CERS6: variants seen among roughly 807,000 people sequenced by gnomAD.
CERS6 encodes the protein LAG1 homolog, ceramide synthase 6.
A neutral mutation model predicts 56.8 loss-of-function variants in CERS6; 26 were observed. The observed-to-expected ratio is 0.46, with a 90% CI of 0.34 to 0.63. The LOEUF (loss-of-function observed/expected upper bound fraction) is 0.63. Among genes scored for constraint, CERS6 ranks in the 30% least tolerant of loss-of-function variants. CERS6 has a pLI of 0.01. For missense variants in CERS6, 415 were observed against 467.5 expected, an observed-to-expected ratio of 0.89 and a Z score of 1.04; for synonymous variants, 164 against 173.3, an observed-to-expected ratio of 0.95 and a Z score of 0.42.
intron 1 of CERS6, among the ~76,000 whole-genome samples, chr2:168,494,531 T>C (rs888721779): frequency 6.6e-6 from 1 of 152,182 alleles, no homozygotes; most frequent in African/African-American, 2.4e-5. Flanking sequence ...AATAACAGTT[T>C]CTCAATATCT....
At chr2:168,603,189 T>TA (rs1390993720) in intron 3 of CERS6, among the ~76,000 whole-genome samples, 1 of 152,206 alleles carries the variant, frequency 6.6e-6, no homozygotes, top group Admixed American at 6.5e-5. Flanking sequence ...TGTCATTTTG[T>TA]AAAAAGAGAA....
chr2:168,547,815 C>A, intron 2 of CERS6, 114 bp downstream of exon 2: 2 of 706,970 alleles, frequency 2.8e-6, no homozygotes, highest in Non-Finnish European at 5.1e-6. Flanking sequence ...TAGCCTTATG[C>A]TGGAGAACGT....
At chr2:168,519,125 GA>G (rs1694934839) in intron 1 of CERS6, among the ~76,000 whole-genome samples, 1 of 152,148 alleles carries the variant, frequency 6.6e-6, no homozygotes, top group Non-Finnish European at 1.5e-5. Context: ...TTAACTAATT[GA>G]ACAGTAATTT....
intron 6 of CERS6, among the ~76,000 whole-genome samples, chr2:168,714,039 A>T (rs1687165324): frequency 6.6e-6 from 1 of 152,192 alleles, no homozygotes; most frequent in African/African-American, 2.4e-5. Context: ...GAAGTCCAAG[A>T]TCAAGGCTCT....
chr2:168,685,018 A>G (rs1686311369), intron 4 of CERS6, among the ~76,000 whole-genome samples: 1 of 152,228 alleles, frequency 6.6e-6, no homozygotes, highest in African/African-American at 2.4e-5. Flanking sequence ...GTAGTGTCAA[A>G]GTAGTTTAAG....
chr2:168,624,483 A>G (rs1024176503), intron 3 of CERS6, among the ~76,000 whole-genome samples: 4 of 152,136 alleles, frequency 2.6e-5, no homozygotes, highest in African/African-American at 9.7e-5. Context: ...CAGTGTATCT[A>G]TCCCACAGGG....
At chr2:168,696,537 C>G (rs1158751440) in intron 6 of CERS6, among the ~76,000 whole-genome samples, 1 of 152,146 alleles carries the variant, frequency 6.6e-6, no homozygotes, top group Non-Finnish European at 1.5e-5. Context: ...TCCAATTGAG[C>G]TAATACAAAA....
intron 6 of CERS6, among the ~76,000 whole-genome samples, chr2:168,704,163 C>T (rs1386304027): frequency 7.9e-5 from 12 of 152,194 alleles, no homozygotes; most frequent in Admixed American, 6.5e-4. Context: ...GGTCAGATAA[C>T]CAGCCACTAG....
chr2:168,622,444 T>G (rs1419178312), intron 3 of CERS6, among the ~76,000 whole-genome samples: 1 of 138,752 alleles, frequency 7.2e-6, no homozygotes, highest in East Asian at 2.1e-4. Flanking sequence ...AATGTTTATA[T>G]TTTCTTGTTG....
chr2:168,774,486 C>G lies in CERS6; in HGVS notation c.*4824C>G, dbSNP rs1033895167. 2.0e-5 allele frequency: 3 copies of G among 152,122 alleles called. No homozygotes were observed. Among genetic ancestry groups the G allele is most frequent in the African/African-American group, 7.2e-5 (3 of 41,424 alleles). 9.4% of individuals were successfully genotyped at this position (152,122 alleles called of 1,614,324 possible). A position where few individuals can be genotyped will look rare whatever the true frequency, so the allele number is the denominator to read the frequency against. ...AAAGTTTGGCTTCCTGGTTTGATGT[C>G]TGTTGCGTGGCCTGGAAACCAGGGA... On this transcript the variant is annotated 3_prime_UTR_variant, in exon 10 of 10. Coordinates refer to ENST00000305747, the MANE Select transcript of CERS6 (RefSeq NM_203463.3).
intron 4 of CERS6, among the ~76,000 whole-genome samples, chr2:168,664,710 C>T (rs1296691459): frequency 6.6e-6 from 1 of 152,144 alleles, no homozygotes. Context: ...GCCCAGAGGT[C>T]ACTCTCATCA....
intron 6 of CERS6, among the ~76,000 whole-genome samples, chr2:168,708,648 A>G (rs1267808806): frequency 1.3e-5 from 2 of 152,130 alleles, no homozygotes; most frequent in Admixed American, 1.3e-4. Flanking sequence ...AATTTTATTA[A>G]ATTCAGGAAA....
intron 8 of CERS6, among the ~76,000 whole-genome samples, chr2:168,747,559 A>G (rs1684143191): frequency 6.6e-6 from 1 of 152,222 alleles, no homozygotes; most frequent in Admixed American, 6.5e-5. Flanking sequence ...TTCTGGATAT[A>G]TATAGCCAAA....
At chr2:168,634,264 G>A (rs1684814339) in intron 4 of CERS6, among the ~76,000 whole-genome samples, 1 of 152,218 alleles carries the variant, frequency 6.6e-6, no homozygotes, top group Admixed American at 6.5e-5. Flanking sequence ...ATAATTAGCA[G>A]AGTCAAATAC....
intron 1 of CERS6, among the ~76,000 whole-genome samples, chr2:168,536,204 C>G (rs1357306421): frequency 6.6e-6 from 1 of 152,188 alleles, no homozygotes; most frequent in African/African-American, 2.4e-5. Context: ...TTCAGATTCA[C>G]TTTTGCTTAT....
At chr2:168,546,436 C>T (rs1246510125) in intron 1 of CERS6, among the ~76,000 whole-genome samples, 2 of 152,154 alleles carry the variant, frequency 1.3e-5, no homozygotes, top group African/African-American at 2.4e-5. Context: ...TAGGCTTGCA[C>T]GTGTACAATG....
At chr2:168,763,558 G>A (rs1684642585) in intron 8 of CERS6, among the ~76,000 whole-genome samples, 1 of 151,902 alleles carries the variant, frequency 6.6e-6, no homozygotes, top group Non-Finnish European at 1.5e-5. Context: ...CATCGTGCCT[G>A]GCCTGTTTTT....
chr2:168,461,880 C>T (rs1693786176), intron 1 of CERS6, among the ~76,000 whole-genome samples: 1 of 152,152 alleles, frequency 6.6e-6, no homozygotes, highest in Non-Finnish European at 1.5e-5. Flanking sequence ...TAAAGTGTTT[C>T]AGAAGTGGTT....
chr2:168,583,382 C>G (rs1471097573), intron 3 of CERS6, among the ~76,000 whole-genome samples: 2 of 152,148 alleles, frequency 1.3e-5, no homozygotes, highest in African/African-American at 4.8e-5. Flanking sequence ...ATTCAAGAAA[C>G]AGCCCCACTC....
Sources: gnomAD v4.1 joint callset for allele counts (sites outside exome capture counted in the v4.1 genomes callset) on GRCh38, gnomAD v4.1.1 for gene constraint, MANE v1.5 for transcripts, NCBI Gene and HGNC (gene_info 2026-07-23, HGNC 2026-07-21) for gene names.